The following FAM171B variants were observed in gnomAD, a reference collection of about 807,000 sequenced individuals.
The protein encoded by FAM171B is protein FAM171B.
A neutral mutation model predicts 75.6 loss-of-function variants in FAM171B; 19 were observed. The observed-to-expected ratio is 0.25, with a 90% CI of 0.18 to 0.37. FAM171B has a LOEUF of 0.37. Ranked by LOEUF, FAM171B falls within the 10% of genes least tolerant of loss-of-function variation. The pLI, the probability that FAM171B is intolerant of heterozygous loss-of-function variation, is 1.00. For synonymous variants in FAM171B, 367 were observed against 361.7 expected, an observed-to-expected ratio of 1.01 and a Z score of -0.17; for missense variants, 848 against 982.4, an observed-to-expected ratio of 0.86 and a Z score of 1.83.
At chr2:186,754,079 A>G (rs1690495558) in intron 6 of FAM171B, 30 bp downstream of exon 6, 2 of 1,503,262 alleles carry the variant, frequency 1.3e-6, no homozygotes, top group East Asian at 2.3e-5. Context: ...TAATTAAAAC[A>G]TGTAATTCAA....
chr2:186,757,643 A>G (rs1690551182), intron 6 of FAM171B, among the ~76,000 whole-genome samples: 1 of 152,190 alleles, frequency 6.6e-6, no homozygotes, highest in Non-Finnish European at 1.5e-5. Flanking sequence ...GTGGTTGAGT[A>G]CAGAGTTTAA....
rs377307269 is a variant in FAM171B, at chr2:186,711,581, G to A, written c.238+17170G>A. Among the ~76,000 whole-genome samples, 3 of 152,266 alleles carry A rather than the reference G, an allele frequency of 2.0e-5. No individual in the cohort carries two copies. The South Asian group carries it at 6.2e-4, about 32-fold the overall frequency. On this transcript the variant is annotated intron_variant, in intron 1 of 7. Transcript: ENST00000304698. ...TGGTTCCAGTCATTCCCAAGATCTG[G>A]ATGGATAGTTAACTTCCCCTGGCCT...
Position 186,763,093 on chromosome 2 carries a change from T to C in FAM171B, c.*270T>C, listed in dbSNP as rs1690647395. On this transcript the variant is annotated 3_prime_UTR_variant, in exon 8 of 8. Coordinates refer to ENST00000304698, the MANE Select transcript of FAM171B (RefSeq NM_177454.4). ...CAAGATGTTAGTTATCTGAAAATGT[T>C]GCTCAGCCAGCCAGTTTGGCCTTGA... 2 of 350,724 alleles carry C rather than the reference T, an allele frequency of 5.7e-6. No individual in the cohort carries two copies. The highest frequency in any genetic ancestry group is 1.1e-4 in the East Asian group (2 of 17,832). 21.7% of individuals were successfully genotyped at this position (350,724 alleles called of 1,614,324 possible). A position where few individuals can be genotyped will look rare whatever the true frequency, so the allele number is the denominator to read the frequency against.
intron 5 of FAM171B, among the ~76,000 whole-genome samples, chr2:186,752,545 T>A (rs1465816908): frequency 1.3e-5 from 2 of 152,184 alleles, no homozygotes; most frequent in Non-Finnish European, 2.9e-5. Context: ...TGGGCCTCAA[T>A]TTCCTGATTT....
At chr2:186,759,876 A>G (rs1690589259) in intron 6 of FAM171B, among the ~76,000 whole-genome samples, 1 of 151,960 alleles carries the variant, frequency 6.6e-6, no homozygotes, top group African/African-American at 2.4e-5. Context: ...GATTTATTGG[A>G]GAGTTTCCTC....
chr2:186,715,745 A>T (rs947093773), intron 1 of FAM171B, among the ~76,000 whole-genome samples: 1 of 152,114 alleles, frequency 6.6e-6, no homozygotes, highest in African/African-American at 2.4e-5. Flanking sequence ...AAGTAATAGA[A>T]ATTTTCTTTG....
At position 186,694,130 on chromosome 2, in the gene FAM171B, C is replaced by T. The variant is rs1191941046; in HGVS notation, c.-44C>T. 2 of 1,461,446 alleles carry T rather than the reference C, an allele frequency of 1.4e-6. No individual in the cohort carries two copies. Among genetic ancestry groups the T allele is most frequent in the Non-Finnish European group, 1.8e-6 (2 of 1,116,132 alleles). 90.5% of individuals were successfully genotyped at this position (1,461,446 alleles called of 1,614,324 possible). ...CCGCAGCCCTGGCGCCCGCCGCCGC[C>T]CGGAGCCCCGCAATATGCCGCCGCG... On this transcript the variant is annotated 5_prime_UTR_variant, in exon 1 of 8. Transcript: ENST00000304698.
intron 3 of FAM171B, among the ~76,000 whole-genome samples, chr2:186,746,448 T>A (rs373200084): frequency 3.4e-4 from 52 of 152,336 alleles, no homozygotes; most frequent in African/African-American, 1.2e-3. Context: ...TATTTATTTC[T>A]CTTATAGATG....
chr2:186,702,729 A>G (rs962589481), intron 1 of FAM171B, among the ~76,000 whole-genome samples: 1 of 152,134 alleles, frequency 6.6e-6, no homozygotes, highest in Non-Finnish European at 1.5e-5. Context: ...AATGTGTCAA[A>G]TATGCCTCAG....
At chr2:186,724,210 C>G (rs778623003) in intron 1 of FAM171B, among the ~76,000 whole-genome samples, 5 of 150,732 alleles carry the variant, frequency 3.3e-5, no homozygotes, top group Non-Finnish European at 7.4e-5. Context: ...TCAGAGTGTT[C>G]TTTATTTTAC....
At chr2:186,731,523 A>AG (rs1449749497) in intron 1 of FAM171B, among the ~76,000 whole-genome samples, 1 of 152,190 alleles carries the variant, frequency 6.6e-6, no homozygotes, top group Non-Finnish European at 1.5e-5. Flanking sequence ...CTGAAGGATT[A>AG]GGGGCTGGGT....
chr2:186,727,589 A>G (rs1690055550), intron 1 of FAM171B, among the ~76,000 whole-genome samples: 1 of 152,192 alleles, frequency 6.6e-6, no homozygotes, highest in Non-Finnish European at 1.5e-5. Flanking sequence ...GTAAAAGTTT[A>G]TTTACAAAAT....
intron 1 of FAM171B, among the ~76,000 whole-genome samples, chr2:186,704,471 A>C (rs11683898): frequency 0.31 from 47,051 of 151,978 alleles, 7,976 homozygotes; most frequent in Non-Finnish European, 0.39. Context: ...TTGCACTGGC[A>C]GTGTTTGAAA....
chr2:186,694,354 G>A lies in FAM171B; in HGVS notation c.181G>A (p.Glu61Lys), dbSNP rs151201990. The part of the protein sequence containing the change: ...QQQQQQKQLE[E>K]AEEERTEVPG... The stretch of plus-strand genomic sequence containing the variant: ...ACAACAACAGCAAAAGCAGCTGGAG[G>A]AGGCTGAGGAGGAGAGGACAGAGGT... Residue 61 changes from glutamate to lysine, a missense_variant, in exon 1 of 8, where the codon GAG becomes AAG. Physicochemically the swap from Glu to Lys is moderately conservative, Grantham distance 56. Coordinates refer to ENST00000304698, the MANE Select transcript of FAM171B (RefSeq NM_177454.4). 7.5e-4 allele frequency: 1,202 copies of A among 1,613,154 alleles called. 1 individual carries two copies. The highest frequency in any genetic ancestry group is 9.8e-4 in the Non-Finnish European group (1,158 of 1,179,622).
chr2:186,761,052 G>A (rs2105793454), intron 6 of FAM171B, 61 bp from the exon 7 acceptor site: 1 of 1,541,798 alleles, frequency 6.5e-7, no homozygotes, highest in South Asian at 1.2e-5. Flanking sequence ...CCCAGGATGT[G>A]ACATAGTTGA....
In FAM171B at chr2:186,762,896, C is replaced by T. The variant is rs550338011; in HGVS notation, c.*73C>T. On this transcript the variant is annotated 3_prime_UTR_variant, in exon 8 of 8. Transcript: ENST00000304698. The surrounding 1 kb of genome is among the most constrained non-coding windows in gnomAD (Gnocchi z 4.0). ...TTCTTGTTGTAAATTGCAGTACGAA[C>T]TTAAGAAAATGAGACTGAGCAATCT... 2.9e-5 allele frequency: 44 copies of T among 1,524,900 alleles called. No individual in the cohort carries two copies. In the South Asian group the frequency reaches 5.4e-4, roughly 19 times the overall value. The allele number at this position is 1,524,900 out of a possible 1,614,324, so 94.5% of individuals were successfully genotyped here. A position where few individuals can be genotyped will look rare whatever the true frequency, so the allele number is the denominator to read the frequency against.
At position 186,761,718 on chromosome 2, in the gene FAM171B, A is replaced by T. The variant is rs1559094702; in HGVS notation, c.1376A>T (p.Asp459Val). Residue 459 changes from aspartate (D) to valine (V), a missense_variant, in exon 8 of 8, where the codon GAT becomes GTT. Asp to Val is a radical substitution (Grantham distance 152). Coordinates refer to ENST00000304698, the MANE Select transcript of FAM171B (RefSeq NM_177454.4). Reference sequence around the variant, plus strand: ...GTTTCCATGGTAAAAACTCGGGACGATTTTAAAATCTACAATGAAGATGTT... The same window carrying T: ...GTTTCCATGGTAAAAACTCGGGACGTTTTTAAAATCTACAATGAAGATGTT... ...ERVSMVKTRD[D>V]FKIYNEDVSF... The T allele has an allele frequency of 6.2e-7, 1 of 1,613,210 alleles. No individual in the cohort carries two copies. The highest frequency in any genetic ancestry group is 2.2e-5 in the East Asian group (1 of 44,866).
At chr2:186,741,368 ATTT>A (rs1023647340) in intron 2 of FAM171B, among the ~76,000 whole-genome samples, 12 of 152,158 alleles carry the variant, frequency 7.9e-5, no homozygotes, top group African/African-American at 2.9e-4. Flanking sequence ...TGAACATATT[ATTT>A]TAATAAAGTC....
intron 1 of FAM171B, among the ~76,000 whole-genome samples, chr2:186,731,677 A>G (rs1419106404): frequency 6.6e-6 from 1 of 152,226 alleles, no homozygotes; most frequent in Non-Finnish European, 1.5e-5. Context: ...ACAGATACAG[A>G]TACTGAGACC....
Sources: gnomAD v4.1 joint callset for allele counts (sites outside exome capture counted in the v4.1 genomes callset) on GRCh38, gnomAD v4.1.1 for gene constraint, Gnocchi (gnomAD v3.1) non-coding constraint, MANE v1.5 for transcripts, NCBI Gene and HGNC (gene_info 2026-07-23, HGNC 2026-07-21) for gene names.